NPAS3: variants seen among roughly 807,000 people sequenced by gnomAD.
NPAS3 encodes the protein neuronal PAS domain-containing protein 3.
A neutral mutation model predicts 73.1 loss-of-function variants in NPAS3; 14 were observed. The observed-to-expected ratio is 0.19, with a 90% confidence interval of 0.13 to 0.30. NPAS3 has a LOEUF of 0.30. NPAS3 is among the 10% of genes least tolerant of loss of function. The probability of loss-of-function intolerance (pLI) is 1.00; values close to 1 mark genes in which losing one functional copy is unlikely to be tolerated. For missense variants in NPAS3, 1,096 were observed against 1,250.0 expected (o/e 0.88, Z 1.86); for synonymous variants, 620 against 541.5 (o/e 1.14, Z -2.01).
chr14:33,276,494 A>G (rs1360862517), intron 3 of NPAS3, among the ~76,000 whole-genome samples: 1 of 152,130 alleles, frequency 6.6e-6, no homozygotes, highest in African/African-American at 2.4e-5. Flanking sequence ...CCCAGTTTTA[A>G]TGAAGTAATT....
Position 33,088,868 on chromosome 14 carries a change from A to C in NPAS3, c.140+32874A>C, listed in dbSNP as rs563622641. 4.0e-3 allele frequency among the ~76,000 whole-genome samples: 605 copies of C among 151,642 alleles called. 4 individuals carry two copies. The highest frequency in any genetic ancestry group is 0.012 in the African/African-American group (506 of 41,010). ...CAGGCAGCAACATTTGCTGTTCAGCAATATTTGCTGTTCTGCAGCCTCTGC... is the reference window on the plus strand; with the variant it reads ...CAGGCAGCAACATTTGCTGTTCAGCCATATTTGCTGTTCTGCAGCCTCTGC... On this transcript the variant is annotated intron_variant, in intron 2 of 11. Coordinates refer to ENST00000356141, the Ensembl canonical transcript of NPAS3.
intron 3 of NPAS3, among the ~76,000 whole-genome samples, chr14:33,252,663 A>G (rs2048632191): frequency 6.6e-6 from 1 of 151,294 alleles, no homozygotes; most frequent in Admixed American, 6.6e-5. Context: ...TTTCAGATTC[A>G]GGGGGTATAT....
Position 33,800,419 on chromosome 14 carries a change from C to T in NPAS3, c.2112C>T (p.Gly704=), listed in dbSNP as rs1033310782. The change falls in exon 12 of 12, where the codon GGC becomes GGT. Residue 704 remains glycine (G), a synonymous_variant. Coordinates refer to ENST00000356141, the Ensembl canonical transcript of NPAS3. The surrounding 1 kb of genome is among the most constrained non-coding windows in gnomAD (Gnocchi z 6.5). ...GCGGCGGCGGTGGGGGTGGCGGTGG[C>T]GGGGGGCTGCACGTGGCCATTCCCG... The T allele has an allele frequency of 3.8e-6, 6 of 1,592,664 alleles. No individual in the cohort carries two copies. The highest frequency in any genetic ancestry group is 1.8e-4 in the Middle Eastern group (1 of 5,434).
intron 1 of NPAS3, among the ~76,000 whole-genome samples, chr14:32,991,387 G>T (rs143243065): frequency 1.4e-4 from 21 of 152,142 alleles, no homozygotes; most frequent in African/African-American, 4.8e-4. Flanking sequence ...TTGGTAAAAC[G>T]CAGCATTGAT....
At chr14:33,026,646 T>C (rs1434734902) in intron 1 of NPAS3, among the ~76,000 whole-genome samples, 1 of 152,204 alleles carries the variant, frequency 6.6e-6, no homozygotes, top group Non-Finnish European at 1.5e-5. Flanking sequence ...TGATTTTACT[T>C]CTTCCTAACA....
chr14:33,036,629 G>T (rs1012508838), intron 1 of NPAS3, among the ~76,000 whole-genome samples: 1 of 152,072 alleles, frequency 6.6e-6, no homozygotes, highest in Non-Finnish European at 1.5e-5. Flanking sequence ...GATTAGTTTT[G>T]TGAAATACAG....
At chr14:33,678,518 G>A (rs2059834533) in intron 6 of NPAS3, among the ~76,000 whole-genome samples, 1 of 152,116 alleles carries the variant, frequency 6.6e-6, no homozygotes, top group Non-Finnish European at 1.5e-5. Flanking sequence ...TGCCCTGGCT[G>A]TGCTTCAGTT....
At chr14:33,056,994 A>C (rs368475638) in intron 2 of NPAS3, among the ~76,000 whole-genome samples, 27 of 152,298 alleles carry the variant, frequency 1.8e-4, no homozygotes, top group Middle Eastern at 3.4e-3. Flanking sequence ...TCCTTTGTGA[A>C]TGCAAGCTGG....
intron 1 of NPAS3, among the ~76,000 whole-genome samples, chr14:33,034,125 G>A (rs1472348975): frequency 1.3e-5 from 2 of 151,778 alleles, no homozygotes; most frequent in Non-Finnish European, 2.9e-5. Flanking sequence ...TTTTTATATG[G>A]GGTTAATGGT....
chr14:33,546,493 G>A (rs1162280977), intron 4 of NPAS3, among the ~76,000 whole-genome samples: 2 of 152,196 alleles, frequency 1.3e-5, no homozygotes, highest in Non-Finnish European at 2.9e-5. Context: ...TTCCTTGTGT[G>A]TGTTCTAGTA....
chr14:33,308,029 C>T (rs543966884), intron 3 of NPAS3, among the ~76,000 whole-genome samples: 2 of 152,282 alleles, frequency 1.3e-5, no homozygotes, highest in South Asian at 4.1e-4. Context: ...TACGCAATCA[C>T]ATTTGCCTGC....
intron 3 of NPAS3, among the ~76,000 whole-genome samples, chr14:33,262,945 C>G (rs554753761): frequency 3.8e-4 from 58 of 152,124 alleles, no homozygotes; most frequent in African/African-American, 1.3e-3. Flanking sequence ...CTGTTCATAT[C>G]CTTTGCCCAC....
chr14:33,328,441 C>CTTTTTT (rs1384752884), intron 3 of NPAS3, among the ~76,000 whole-genome samples: 1 of 71,996 alleles, frequency 1.4e-5, no homozygotes, highest in Non-Finnish European at 3.0e-5. Context: ...TTTTCCTTTT[C>CTTTTTT]TTTTCTTTTT....
At chr14:33,023,109 A>G (rs753818281) in intron 1 of NPAS3, among the ~76,000 whole-genome samples, 1 of 152,178 alleles carries the variant, frequency 6.6e-6, no homozygotes, top group Non-Finnish European at 1.5e-5. Flanking sequence ...AAAAGAAAAG[A>G]GGCCACACTA....
chr14:33,384,122 A>G (rs1308401888), intron 4 of NPAS3, among the ~76,000 whole-genome samples: 2 of 151,886 alleles, frequency 1.3e-5, no homozygotes, highest in African/African-American at 2.4e-5. Flanking sequence ...TAAAACACCA[A>G]TTAGAAATGA....
chr14:33,393,519 T>G (rs1299888272), intron 4 of NPAS3, among the ~76,000 whole-genome samples: 1 of 152,144 alleles, frequency 6.6e-6, no homozygotes, highest in Non-Finnish European at 1.5e-5. Flanking sequence ...ACCAGTTACA[T>G]GTATTTTAGG....
chr14:33,727,981 G>A (rs938647131), intron 6 of NPAS3, among the ~76,000 whole-genome samples: 4 of 152,172 alleles, frequency 2.6e-5, no homozygotes, highest in Admixed American at 2.6e-4. Flanking sequence ...CGATCTTTAC[G>A]ATACTCAGTT....
intron 4 of NPAS3, among the ~76,000 whole-genome samples, chr14:33,461,002 C>G (rs2050238973): frequency 1.3e-5 from 2 of 152,190 alleles, no homozygotes; most frequent in South Asian, 4.1e-4. Flanking sequence ...CATTTTTGAA[C>G]TGCTCACCAT....
intron 5 of NPAS3, among the ~76,000 whole-genome samples, chr14:33,658,814 T>A (rs554406981): frequency 6.6e-6 from 1 of 152,280 alleles, no homozygotes; most frequent in African/African-American, 2.4e-5. Context: ...ACTAATAGTG[T>A]ATTAATAATG....
Sources: allele counts gnomAD v4.1 joint callset (sites outside exome capture counted in the v4.1 genomes callset), GRCh38; gene constraint gnomAD v4.1.1; non-coding constraint Gnocchi (gnomAD v3.1); transcripts MANE v1.5; gene names NCBI Gene and HGNC (gene_info 2026-07-23, HGNC 2026-07-21).